MAPDA: variants seen among roughly 807,000 people sequenced by gnomAD.
MAPDA encodes the protein N6,N6-dimethyl-AMP deaminase.
At chr15:43,346,091 C>G in the MAPDA span, 4 of 1,394,336 alleles carry the variant, frequency 2.9e-6, no homozygotes, top group Admixed American at 1.9e-5. Context: ...ACAGACACTC[C>G]ATTCTGTGGA....
At chr15:43,354,163 A>T in the MAPDA span, 1 of 151,530 alleles carries the variant, frequency 6.6e-6, no homozygotes. Flanking sequence ...TGGGGAAAAA[A>T]CTCCACACAT....
the MAPDA span, chr15:43,345,712 A>C: frequency 5.2e-6 from 5 of 954,334 alleles, no homozygotes; most frequent in Non-Finnish European, 7.9e-6. Flanking sequence ...GTAAAATGTC[A>C]TGTTGTCTAG....
the MAPDA span, among the ~76,000 whole-genome samples, chr15:43,350,480 A>G: frequency 1.3e-5 from 2 of 152,148 alleles, no homozygotes; most frequent in South Asian, 2.1e-4. Context: ...CTTAGAAGCC[A>G]TGGCAAAGTC....
the MAPDA span, chr15:43,334,962 T>C: frequency 9.5e-6 from 6 of 628,748 alleles, no homozygotes; most frequent in East Asian, 1.6e-4. Flanking sequence ...TGAACCCAGA[T>C]CTACACATAC....
the MAPDA span, chr15:43,348,800 T>A: frequency 8.7e-7 from 1 of 1,155,806 alleles, no homozygotes; most frequent in Non-Finnish European, 1.2e-6. Context: ...TTCCAAAAGG[T>A]CTGCATTAAG....
the MAPDA span, chr15:43,333,429 A>G: frequency 6.6e-6 from 1 of 152,156 alleles, no homozygotes; most frequent in Non-Finnish European, 1.5e-5. Flanking sequence ...AGAAAAAAAA[A>G]AAAAGGTATG....
At chr15:43,347,074 A>G in the MAPDA span, 1 of 1,613,778 alleles carries the variant, frequency 6.2e-7, no homozygotes, top group East Asian at 2.2e-5. Flanking sequence ...GCAGGTCTGA[A>G]GTTAGCATTG....
chr15:43,333,478 G>C, the MAPDA span: 1 of 151,272 alleles, frequency 6.6e-6, no homozygotes, highest in Non-Finnish European at 1.5e-5. Flanking sequence ...TTTTTCGGTA[G>C]AGATATTAAA....
the MAPDA span, among the ~76,000 whole-genome samples, chr15:43,336,334 T>G: frequency 6.6e-6 from 1 of 152,180 alleles, no homozygotes; most frequent in Admixed American, 6.5e-5. Context: ...CATGAGCCAT[T>G]ATACCCAGCA....
chr15:43,349,684 A>G, the MAPDA span, among the ~76,000 whole-genome samples: 2 of 152,250 alleles, frequency 1.3e-5, no homozygotes, highest in African/African-American at 2.4e-5. Flanking sequence ...TAAAGAAGGA[A>G]AAAGTGGTTG....
chr15:43,331,231 G>T, the MAPDA span, among the ~76,000 whole-genome samples: 2,209 of 152,330 alleles, frequency 0.015, 30 homozygotes, highest in Non-Finnish European at 0.024. Context: ...CCGCCTTGGA[G>T]AATTCTGTGG....
the MAPDA span, among the ~76,000 whole-genome samples, chr15:43,333,960 C>T: frequency 2.3e-4 from 35 of 152,302 alleles, no homozygotes; most frequent in African/African-American, 7.5e-4. Context: ...CTACAGTGTG[C>T]TAGGCACTGT....
chr15:43,345,182 G>A, the MAPDA span, among the ~76,000 whole-genome samples: 3 of 151,802 alleles, frequency 2.0e-5, no homozygotes, highest in Non-Finnish European at 2.9e-5. Context: ...GTGAAACTCC[G>A]TCTCTACTAA....
chr15:43,350,859 A>AT, the MAPDA span: 1 of 1,210,364 alleles, frequency 8.3e-7, no homozygotes, highest in Non-Finnish European at 1.2e-6. Context: ...ATTTGGAAAT[A>AT]TTTCTCGTGT....
the MAPDA span, chr15:43,345,834 C>CT: frequency 6.2e-7 from 1 of 1,613,960 alleles, no homozygotes; most frequent in Non-Finnish European, 8.5e-7. Context: ...GTTTTCAACT[C>CT]TGTCTTTCTT....
chr15:43,333,645 T>G, the MAPDA span, among the ~76,000 whole-genome samples: 2 of 152,214 alleles, frequency 1.3e-5, no homozygotes, highest in Admixed American at 1.3e-4. Flanking sequence ...CTTTCTTTAT[T>G]GTACATTTTA....
At chr15:43,351,531 A>G in the MAPDA span, 3 of 525,730 alleles carry the variant, frequency 5.7e-6, no homozygotes, top group Non-Finnish European at 3.3e-6. Flanking sequence ...TCCTTAGGTA[A>G]TTTTAATATC....
the MAPDA span, chr15:43,347,070 C>G: frequency 6.2e-7 from 1 of 1,613,662 alleles, no homozygotes; most frequent in Non-Finnish European, 8.5e-7. Flanking sequence ...GAAAGCAGGT[C>G]TGAAGTTAGC....
At chr15:43,351,959 G>A in the MAPDA span, 1 of 1,542,614 alleles carries the variant, frequency 6.5e-7, no homozygotes, top group South Asian at 1.2e-5. Flanking sequence ...ATAATGAGGT[G>A]AACTACTTCT....
Sources: gnomAD v4.1 joint callset for allele counts (sites outside exome capture counted in the v4.1 genomes callset) on GRCh38, gnomAD v4.1.1 for gene constraint, MANE v1.5 for transcripts, NCBI Gene and HGNC (gene_info 2026-07-23, HGNC 2026-07-21) for gene names.